Variants in DNAH5 observed in about 807,000 individuals in gnomAD.
The protein encoded by DNAH5 is axonemal beta dynein heavy chain 5.
DNAH5 carries 372 observed loss-of-function variants against 518.2 expected under a neutral mutation model. That is an observed-to-expected ratio of 0.72 (90% CI 0.66 to 0.78). DNAH5 has a LOEUF of 0.78. Among genes scored for constraint, DNAH5 ranks in the 30% least tolerant of loss-of-function variants. DNAH5 has a pLI of 0.00. For synonymous variants in DNAH5, 2,039 were observed against 2,025.9 expected, an observed-to-expected ratio of 1.01 and a Z score of -0.17; for missense variants, 5,523 against 5,687.0, an observed-to-expected ratio of 0.97 and a Z score of 0.93.
chr5:13,949,030 AAC>A (rs1218149341), upstream of DNAH5, among the ~76,000 whole-genome samples: 1 of 152,242 alleles, frequency 6.6e-6, no homozygotes, highest in Non-Finnish European at 1.5e-5. Context: ...AAAGAAAAAA[AAC>A]ACACACAAAT....
intron 78 of DNAH5, among the ~76,000 whole-genome samples, chr5:13,699,100 G>A (rs1741739153): frequency 6.6e-6 from 1 of 152,214 alleles, no homozygotes; most frequent in East Asian, 1.9e-4. Context: ...TCAGTAAGTA[G>A]TTACTGAATG....
At chr5:13,694,801 C>T (rs1741146990) in intron 78 of DNAH5, among the ~76,000 whole-genome samples, 1 of 151,460 alleles carries the variant, frequency 6.6e-6, no homozygotes, top group South Asian at 2.1e-4. Flanking sequence ...TCTTAACATA[C>T]ACTATTTCTT....
intron 52 of DNAH5, among the ~76,000 whole-genome samples, chr5:13,783,075 G>A (rs1466515689): frequency 6.6e-6 from 1 of 152,154 alleles, no homozygotes; most frequent in African/African-American, 2.4e-5. Context: ...ATCCCCGCCT[G>A]GGTGAGGTAT....
intron 47 of DNAH5, among the ~76,000 whole-genome samples, chr5:13,805,188 T>C (rs1275904226): frequency 1.3e-5 from 2 of 152,090 alleles, no homozygotes; most frequent in Non-Finnish European, 2.9e-5. Flanking sequence ...GGGGAGCTGA[T>C]GGAGATTTGA....
chr5:13,736,044 T>C (rs1747360832), intron 66 of DNAH5, 112 bp from the exon 67 acceptor site: 6 of 798,352 alleles, frequency 7.5e-6, no homozygotes, highest in Non-Finnish European at 1.3e-5. Flanking sequence ...TTTTAGGCAG[T>C]GGCTGCCTAC....
chr5:13,942,585 G>T (rs1779563132), intron 1 of DNAH5, among the ~76,000 whole-genome samples: 2 of 152,126 alleles, frequency 1.3e-5, no homozygotes, highest in African/African-American at 4.8e-5. Context: ...CCTGTAGAGG[G>T]TACTCAATAT....
Position 13,708,122 on chromosome 5 carries a change from C to T in DNAH5, c.13338+1G>A. 2 of 1,614,058 alleles carry T rather than the reference C, an allele frequency of 1.2e-6. No homozygotes were observed. The highest frequency in any genetic ancestry group is 1.7e-6 in the Non-Finnish European group (2 of 1,179,938). ...CAGAATAACAGCAGGCTTATACGTA[C>T]TTTTTTCCACCAAGCAGGGATTCTA... is the stretch of plus-strand genomic sequence containing the variant. On this transcript the variant is annotated splice_donor_variant, in intron 76 of 78. Transcript: ENST00000265104. LOFTEE classifies it high-confidence loss of function.
At chr5:13,965,831 G>C (rs1338605765) in intron 1 of DNAH5, among the ~76,000 whole-genome samples, 2 of 152,062 alleles carry the variant, frequency 1.3e-5, no homozygotes, top group Admixed American at 6.6e-5. Flanking sequence ...TAGGTATTTG[G>C]AGAACAGGTG....
chr5:13,774,062 T>C (rs1020579164), intron 55 of DNAH5, among the ~76,000 whole-genome samples: 3 of 152,062 alleles, frequency 2.0e-5, no homozygotes, highest in South Asian at 2.1e-4. Flanking sequence ...CTAAGAACAA[T>C]AGGAAGACAT....
rs12652822 is a variant in DNAH5 at position 13,914,962 on chromosome 5, T to C, written c.1198-320A>G. ...ACTGATGAGTTTCCCCAAATCTCCT[T>C]AGGTAGCCTGCTCTAATATCTAACT... On this transcript the variant is annotated intron_variant, in intron 9 of 78. Coordinates refer to ENST00000265104, the MANE Select transcript of DNAH5 (RefSeq NM_001369.3). Among the ~76,000 whole-genome samples the C allele has an allele frequency of 0.44, 66,311 of 151,756 alleles. 15,284 individuals are homozygous for C. The highest frequency in any genetic ancestry group is 0.85 in the East Asian group (4,390 of 5,156).
chr5:13,987,152 C>T (rs1289653570), intron 1 of DNAH5, among the ~76,000 whole-genome samples: 1 of 152,034 alleles, frequency 6.6e-6, no homozygotes, highest in Non-Finnish European at 1.5e-5. Context: ...CATATTGATT[C>T]TCCCTCCTCC....
At chr5:13,894,573 T>C (rs920809892) in intron 16 of DNAH5, 77 bp downstream of exon 16, 4 of 1,478,304 alleles carry the variant, frequency 2.7e-6, no homozygotes, top group Non-Finnish European at 3.8e-6. Flanking sequence ...ATCTCCATAT[T>C]GATAAGAAAT....
At chr5:13,936,872 G>A (rs1457141107) in intron 1 of DNAH5, among the ~76,000 whole-genome samples, 2 of 152,094 alleles carry the variant, frequency 1.3e-5, no homozygotes, top group East Asian at 1.9e-4. Context: ...ATGGAGGATG[G>A]GGCTATTGGG....
At chr5:13,893,711 C>A (rs1455585599) in intron 16 of DNAH5, among the ~76,000 whole-genome samples, 3 of 151,936 alleles carry the variant, frequency 2.0e-5, no homozygotes, top group Non-Finnish European at 2.9e-5. Context: ...TAGAAGACAA[C>A]CAAAATATCA....
chr5:13,702,454 G>A (rs1333099191), intron 76 of DNAH5, among the ~76,000 whole-genome samples: 1 of 152,178 alleles, frequency 6.6e-6, no homozygotes, highest in Non-Finnish European at 1.5e-5. Flanking sequence ...ACTACGTTCG[G>A]TCTGAGGGCA....
rs140702515 is a variant in DNAH5, at chr5:13,755,986, G to A, written c.10420-1648C>T. Among the ~76,000 whole-genome samples the A allele has an allele frequency of 2.0e-3, 300 of 152,294 alleles. 3 individuals are homozygous for A. The highest frequency in any genetic ancestry group is 6.8e-3 in the African/African-American group (283 of 41,564). ...CAAGAGAAAGAAAGCCGTAAGTTCC[G>A]TGAGTTCCCCCCAGCCTGTTGAGGG... On this transcript the variant is annotated intron_variant, in intron 61 of 78. Transcript: ENST00000265104.
At chr5:13,999,755 T>C (rs1309927297) in intron 1 of DNAH5, among the ~76,000 whole-genome samples, 1 of 152,216 alleles carries the variant, frequency 6.6e-6, no homozygotes, top group Non-Finnish European at 1.5e-5. Context: ...TGTTAATTTT[T>C]TAAGAACCTC....
intron 51 of DNAH5, 149 bp downstream of exon 51, chr5:13,788,567 G>C (rs1233095009): frequency 5.8e-6 from 4 of 692,410 alleles, no homozygotes; most frequent in East Asian, 5.3e-5. Flanking sequence ...ACTCATCCTA[G>C]TTTTATTGAG....
chr5:14,001,678 C>CTTT (rs981305557), intron 1 of DNAH5, among the ~76,000 whole-genome samples: 2 of 148,382 alleles, frequency 1.3e-5, no homozygotes, highest in African/African-American at 4.9e-5. Context: ...TTTTTCTTTT[C>CTTT]TTTTTTTTTT....
Sources: allele counts gnomAD v4.1 joint callset (sites outside exome capture counted in the v4.1 genomes callset), GRCh38; gene constraint gnomAD v4.1.1; transcripts MANE v1.5; gene names NCBI Gene and HGNC (gene_info 2026-07-23, HGNC 2026-07-21).